The following DNAH14 variants were observed in gnomAD, a reference collection of about 807,000 sequenced individuals.
The protein encoded by DNAH14 is dynein axonemal heavy chain 14, also known as axonemal beta dynein heavy chain 14.
In DNAH14, 478 loss-of-function variants were observed where a neutral mutation model predicts 520.9. The ratio of observed to expected loss-of-function variants is 0.92; its 90% CI spans 0.85 to 0.99. The LOEUF (loss-of-function observed/expected upper bound fraction) is 0.99, where lower values mean the gene tolerates loss of function less well. DNAH14 is among the 50% of genes least tolerant of loss of function. The pLI is 0.00. For synonymous variants in DNAH14, 1,581 were observed against 1,757.2 expected, an observed-to-expected ratio of 0.90 and a Z score of 2.51; for missense variants, 4,831 against 5,234.5, an observed-to-expected ratio of 0.92 and a Z score of 2.38.
intron 36 of DNAH14, among the ~76,000 whole-genome samples, chr1:225,182,581 A>G (rs1157107569): frequency 1.3e-5 from 2 of 152,188 alleles, no homozygotes; most frequent in Non-Finnish European, 2.9e-5. Flanking sequence ...AAAAAAGTAG[A>G]AAGAACAGTC....
At chr1:225,314,261 C>T (rs7552287) in intron 60 of DNAH14, among the ~76,000 whole-genome samples, 14,010 of 152,146 alleles carry the variant, frequency 0.092, 1,083 homozygotes, top group African/African-American at 0.21. Context: ...GGATTGCAAT[C>T]GCTGCTTTTT....
At chr1:224,944,727 G>A (rs1028770877) in intron 1 of DNAH14, among the ~76,000 whole-genome samples, 7 of 152,074 alleles carry the variant, frequency 4.6e-5, no homozygotes, top group African/African-American at 1.2e-4. Context: ...GTCTGTAAAG[G>A]ATTTTATTTC....
chr1:225,381,416 C>G lies in DNAH14; in HGVS notation c.12914C>G (p.Thr4305Ser). 6.5e-7 allele frequency: 1 copy of G among 1,550,104 alleles called. No individual in the cohort carries two copies. The highest frequency in any genetic ancestry group is 8.7e-7 in the Non-Finnish European group (1 of 1,146,746). ...CCCCTTATCCATTGTGTCTTGCTAACCTTTTTGAAGCAAGAAATTAAACGA... is the reference window on the plus strand; with the variant it reads ...CCCCTTATCCATTGTGTCTTGCTAAGCTTTTTGAAGCAAGAAATTAAACGA... ...HDPLIHCVLL[T>S]FLKQEIKRFD... The change falls in exon 81 of 86, where the codon ACC (threonine) becomes AGC (serine). Residue 4305 changes from threonine (T) to serine (S), a missense_variant. Physicochemically the swap from Thr to Ser is moderately conservative, Grantham distance 58. Coordinates refer to ENST00000682510, the MANE Select transcript of DNAH14 (RefSeq NM_001367479.1).
chr1:225,068,843 G>GCCAAGACAGTGGAGTTTTCTAAAT (rs1572845783), intron 17 of DNAH14, among the ~76,000 whole-genome samples: 1 of 36,592 alleles, frequency 2.7e-5, no homozygotes, highest in Non-Finnish European at 6.6e-5. Context: ...AAGCTTTTGG[G>GCCAAGACAGTGGAGTTTTCTAAAT]AGGCCGAGGC....
intron 43 of DNAH14, among the ~76,000 whole-genome samples, chr1:225,252,037 A>C (rs920545463): frequency 2.0e-5 from 3 of 152,182 alleles, no homozygotes; most frequent in Middle Eastern, 3.2e-3. Flanking sequence ...GTAATAATCA[A>C]AACTTTGGGG....
Position 225,178,699 on chromosome 1 carries a change from T to C in DNAH14, c.5536-6592T>C, listed in dbSNP as rs1240586284. ...GGACTGTGGATTTTTGAGTTAATGC[T>C]GAAATGAGTTAAGACTTTGGGGGAC... On this transcript the variant is annotated intron_variant, in intron 36 of 85. Transcript: ENST00000682510. Among the ~76,000 whole-genome samples, 3 of 152,190 alleles carry C rather than the reference T, an allele frequency of 2.0e-5. No individual in the cohort carries two copies. The East Asian group carries it at 5.8e-4, about 29-fold the overall frequency.
intron 11 of DNAH14, among the ~76,000 whole-genome samples, chr1:225,026,982 A>T (rs1170114572): frequency 6.6e-6 from 1 of 151,442 alleles, no homozygotes; most frequent in African/African-American, 2.4e-5. Flanking sequence ...TTTTGGTAAA[A>T]TTTTTTGTAA....
intron 3 of DNAH14, among the ~76,000 whole-genome samples, chr1:224,959,763 G>A (rs1353236414): frequency 6.6e-6 from 1 of 152,036 alleles, no homozygotes. Flanking sequence ...TAAAGATTTA[G>A]TATAATATTC....
intron 26 of DNAH14, among the ~76,000 whole-genome samples, chr1:225,122,638 G>T (rs1054954813): frequency 3.3e-5 from 5 of 152,076 alleles, no homozygotes; most frequent in Non-Finnish European, 5.9e-5. Context: ...CCAACAAAAA[G>T]TGTTTAAAAA....
chr1:225,057,252 C>G (rs2069243772), intron 17 of DNAH14, among the ~76,000 whole-genome samples: 1 of 152,162 alleles, frequency 6.6e-6, no homozygotes, highest in African/African-American at 2.4e-5. Context: ...CTTCACATCC[C>G]TTGTAAGTTG....
At chr1:225,373,516 G>T (rs75813072) in intron 77 of DNAH14, among the ~76,000 whole-genome samples, 205 of 151,784 alleles carry the variant, frequency 1.4e-3, no homozygotes, top group Non-Finnish European at 2.4e-3. Flanking sequence ...GGGAGGCGGA[G>T]GTGATAAATA....
At chr1:225,018,457 T>G (rs564733833) in intron 10 of DNAH14, among the ~76,000 whole-genome samples, 1 of 152,316 alleles carries the variant, frequency 6.6e-6, no homozygotes, top group South Asian at 2.1e-4. Flanking sequence ...AGCAAGCCAC[T>G]TTGGAAACAT....
At chr1:225,250,572 A>G in intron 43 of DNAH14, 1 of 436,986 alleles carries the variant, frequency 2.3e-6, no homozygotes, top group Non-Finnish European at 4.2e-6. Flanking sequence ...TCAGATGAAG[A>G]AAAGGGAACT....
At chr1:225,006,966 A>G (rs993480815) in intron 9 of DNAH14, among the ~76,000 whole-genome samples, 4 of 151,980 alleles carry the variant, frequency 2.6e-5, no homozygotes, top group Non-Finnish European at 5.9e-5. Context: ...CTTTCTCTTT[A>G]TTTCTCAGAC....
intron 66 of DNAH14, among the ~76,000 whole-genome samples, chr1:225,336,297 A>T (rs1382932711): frequency 1.3e-5 from 2 of 151,916 alleles, no homozygotes; most frequent in African/African-American, 4.8e-5. Context: ...GAGAGTCAGA[A>T]ATGGGAGAGA....
At chr1:225,341,676 C>CA (rs1417735481) in intron 69 of DNAH14, among the ~76,000 whole-genome samples, 1 of 151,720 alleles carries the variant, frequency 6.6e-6, no homozygotes, top group Non-Finnish European at 1.5e-5. Context: ...AACAAACAAA[C>CA]AAAAAAAGCT....
intron 73 of DNAH14, among the ~76,000 whole-genome samples, chr1:225,358,103 A>G (rs1268324346): frequency 1.3e-5 from 2 of 152,272 alleles, no homozygotes; most frequent in Non-Finnish European, 2.9e-5. Flanking sequence ...CAGTTGTGTC[A>G]TCCTGTATTT....
intron 64 of DNAH14, among the ~76,000 whole-genome samples, chr1:225,329,615 C>T (rs971645393): frequency 6.6e-5 from 10 of 152,084 alleles, no homozygotes; most frequent in Non-Finnish European, 1.5e-4. Context: ...AAGAATGAAA[C>T]TAGACCCCTA....
chr1:225,260,525 G>T (rs975713151), intron 46 of DNAH14, among the ~76,000 whole-genome samples: 4 of 151,944 alleles, frequency 2.6e-5, no homozygotes, highest in African/African-American at 7.3e-5. Context: ...CTATATGTTG[G>T]TTATTATGCT....
Sources: gnomAD v4.1 joint callset for allele counts (sites outside exome capture counted in the v4.1 genomes callset) on GRCh38, gnomAD v4.1.1 for gene constraint, MANE v1.5 for transcripts, NCBI Gene and HGNC (gene_info 2026-07-23, HGNC 2026-07-21) for gene names.